APOO: variants seen among roughly 807,000 people sequenced by gnomAD.
The protein encoded by APOO is apolipoprotein O, also known as MICOS complex subunit MIC26.
Under a neutral mutation model 23.1 loss-of-function variants are expected in APOO, and 11 were observed. The ratio of observed to expected loss-of-function variants is 0.48; its 90% CI spans 0.30 to 0.79. The LOEUF is 0.79. APOO is among the 30% of genes least tolerant of loss of function. The pLI is 0.07. For synonymous variants in APOO, 59 were observed against 54.8 expected (o/e 1.08, Z -0.34); for missense variants, 160 against 142.7 (o/e 1.12, Z -0.62).
At chrX:23,843,384 G>T (rs1237555947) in intron 7 of APOO, among the ~76,000 whole-genome samples, 2 of 110,633 alleles carry the variant, frequency 1.8e-5, no homozygotes. Context: ...TCTTGGCAGA[G>T]AACTCCAGGA....
At chrX:23,839,122 G>A (rs1923855258) in intron 8 of APOO, among the ~76,000 whole-genome samples, 1 of 112,070 alleles carries the variant, frequency 8.9e-6, no homozygotes, top group Non-Finnish European at 1.9e-5. Context: ...TGATTCTGGG[G>A]TGCCCTTTGC....
At position 23,907,774 on chromosome X, in the gene APOO, G is replaced by C; in HGVS notation, c.-72C>G. ...CGCCCACTATAGAGAGGTGACTACG[G>C]AGGCCCGGTAGGGCCTTGATTTCTC... On this transcript the variant is annotated 5_prime_UTR_variant, in exon 1 of 9. Transcript: ENST00000379226. 2 of 1,100,867 alleles carry C rather than the reference G, an allele frequency of 1.8e-6. No homozygotes were observed. The highest frequency in any genetic ancestry group is 3.5e-5 in the East Asian group (1 of 28,285). The allele number at this position is 1,100,867 out of a possible 1,213,427, so 90.7% of individuals were successfully genotyped here.
chrX:23,906,959 G>T (rs1276060651), intron 1 of APOO, among the ~76,000 whole-genome samples: 1 of 112,437 alleles, frequency 8.9e-6, no homozygotes, highest in Non-Finnish European at 1.9e-5. Flanking sequence ...TATTTTATGG[G>T]TACTATGCTT....
In APOO at chrX:23,858,738, T is replaced by C; in HGVS notation, c.389-5A>G. 8.4e-7 allele frequency: 1 copy of C among 1,193,437 alleles called. No individual in the cohort carries two copies. The highest frequency in any genetic ancestry group is 1.1e-6 in the Non-Finnish European group (1 of 880,342). The stretch of plus-strand genomic sequence containing the variant: ...CTAGCTTCTTTATTTTTGAACCTGA[T>C]AAATAAAAGGTTGTACACGCCATCA... On this transcript the variant is annotated splice_polypyrimidine_tract_variant and splice_region_variant and intron_variant, in intron 5 of 8. Coordinates refer to ENST00000379226, the MANE Select transcript of APOO (RefSeq NM_024122.5).
chrX:23,856,224 T>C (rs1025912226), intron 7 of APOO, 78 bp downstream of exon 7: 9 of 963,969 alleles, frequency 9.3e-6, no homozygotes, highest in Non-Finnish European at 1.3e-5. Context: ...ATCAACAGGG[T>C]TATCAAATAT....
intron 4 of APOO, among the ~76,000 whole-genome samples, chrX:23,873,731 T>G (rs771400567): frequency 1.8e-5 from 2 of 111,955 alleles, no homozygotes; most frequent in African/African-American, 6.5e-5. Context: ...CCAAAGAAAC[T>G]GTACTTATGT....
In APOO at chrX:23,880,820, T is replaced by C. The variant is rs771316324; in HGVS notation, c.117+25A>G. The C allele has an allele frequency of 6.7e-6, 7 of 1,041,816 alleles. No individual in the cohort carries two copies. In the Admixed American group the frequency reaches 1.2e-4, roughly 18 times the overall value. The allele number at this position is 1,041,816 out of a possible 1,213,427, so 85.9% of individuals were successfully genotyped here. ...GTAACTAAATCAGACACTCAAAATA[T>C]ATCGCAACATGAACAACATGTTACC... On this transcript the variant is annotated intron_variant, in intron 2 of 8. Coordinates refer to ENST00000379226, the MANE Select transcript of APOO (RefSeq NM_024122.5).
chrX:23,878,309 T>C (rs59621653), intron 3 of APOO, among the ~76,000 whole-genome samples: 1,873 of 111,980 alleles, frequency 0.017, 33 homozygotes, highest in African/African-American at 0.052. Flanking sequence ...TCCTAGCCCC[T>C]CTGCTCTCTA....
intron 5 of APOO, among the ~76,000 whole-genome samples, chrX:23,865,616 G>T (rs1409525929): frequency 1.0e-5 from 1 of 99,513 alleles, no homozygotes; most frequent in African/African-American, 3.8e-5. Flanking sequence ...AAAAAAAAAA[G>T]AAACTCCTAT....
At chrX:23,834,848 A>G (rs1174144795) in intron 8 of APOO, among the ~76,000 whole-genome samples, 12 of 107,342 alleles carry the variant, frequency 1.1e-4, no homozygotes, top group Non-Finnish European at 2.3e-4. Flanking sequence ...CAGCCTCCCA[A>G]GTAGCTGGGA....
intron 5 of APOO, among the ~76,000 whole-genome samples, chrX:23,867,565 C>T (rs781102612): frequency 1.8e-4 from 20 of 110,934 alleles, no homozygotes; most frequent in South Asian, 3.8e-4. Context: ...TCTTTTGAGA[C>T]GGAGTCTCGC....
At chrX:23,857,560 C>T (rs185949496) in intron 6 of APOO, among the ~76,000 whole-genome samples, 39 of 111,679 alleles carry the variant, frequency 3.5e-4, no homozygotes, top group Non-Finnish European at 1.1e-4. Flanking sequence ...GGCCACTGGA[C>T]TCTCACATAC....
At chrX:23,881,947 CAAAAAAAAAAA>C (rs56820853) in intron 1 of APOO, among the ~76,000 whole-genome samples, 23 of 31,814 alleles carry the variant, frequency 7.2e-4, no homozygotes, top group African/African-American at 2.9e-3. Context: ...GACTCCACCT[CAAAAAAAAAAA>C]AAAAAAAAAA....
chrX:23,852,619 A>C (rs1374196597), intron 7 of APOO, among the ~76,000 whole-genome samples: 1 of 109,376 alleles, frequency 9.1e-6, no homozygotes, highest in Non-Finnish European at 1.9e-5. Context: ...GTCTCAAAAA[A>C]AAAAAAAATA....
At chrX:23,895,393 CA>C (rs1255491521) in intron 1 of APOO, among the ~76,000 whole-genome samples, 1 of 111,443 alleles carries the variant, frequency 9.0e-6, no homozygotes, top group East Asian at 2.8e-4. Context: ...AGCAAACTAA[CA>C]CAGGAATAGA....
intron 2 of APOO, among the ~76,000 whole-genome samples, chrX:23,879,561 G>A (rs1926018277): frequency 8.9e-6 from 1 of 112,547 alleles, no homozygotes; most frequent in African/African-American, 3.2e-5. Context: ...AAAGGGCAGG[G>A]CTATGAGGTG....
intron 2 of APOO, among the ~76,000 whole-genome samples, chrX:23,880,361 T>C (rs1926057277): frequency 8.9e-6 from 1 of 111,908 alleles, no homozygotes; most frequent in South Asian, 3.6e-4. Context: ...AGTTTAATAT[T>C]TCCCACAAAT....
At chrX:23,864,868 C>G (rs1925267805) in intron 5 of APOO, among the ~76,000 whole-genome samples, 1 of 111,434 alleles carries the variant, frequency 9.0e-6, no homozygotes, top group African/African-American at 3.3e-5. Flanking sequence ...AAGCAGCTCA[C>G]CCAAGTGAGG....
intron 1 of APOO, among the ~76,000 whole-genome samples, chrX:23,899,996 G>A (rs573023916): frequency 4.5e-5 from 5 of 112,221 alleles, no homozygotes; most frequent in East Asian, 5.6e-4. Context: ...TAATCTCTCC[G>A]TTCTTTTAAT....
Sources: allele counts gnomAD v4.1 joint callset (sites outside exome capture counted in the v4.1 genomes callset), GRCh38; gene constraint gnomAD v4.1.1; transcripts MANE v1.5; gene names NCBI Gene and HGNC (gene_info 2026-07-23, HGNC 2026-07-21).